APOL5: variants seen among roughly 807,000 people sequenced by gnomAD.
APOL5 encodes the protein apolipoprotein L, 5.
In APOL5, 29 loss-of-function variants were observed where a neutral mutation model predicts 35.5. The observed-to-expected ratio is 0.82, with a 90% confidence interval of 0.61 to 1.11. The LOEUF is 1.11. APOL5 is among the 50% of genes most tolerant of loss of function. APOL5 has a pLI of 0.00. For synonymous variants in APOL5, 188 were observed against 200.2 expected (o/e 0.94, Z 0.51); for missense variants, 514 against 530.4 (o/e 0.97, Z 0.30).
At position 35,728,763 on chromosome 22, in the gene APOL5, G is replaced by T. The variant is rs142361344; in HGVS notation, c.1167G>T (p.Gln389His). The T allele has an allele frequency of 1.1e-3, 1,818 of 1,613,718 alleles. 1 individual carries two copies. Among genetic ancestry groups the T allele is most frequent in the Admixed American group, 4.5e-3 (272 of 59,962 alleles). ...SPLPWPVVEHQPRLGPGVALR... is the reference protein window; with the variant it reads ...SPLPWPVVEHHPRLGPGVALR... ...TCCCCTGGCCTGTTGTGGAGCACCAGCCTAGGCTGGGCCCTGGCGTGGCAC... is the reference window on the plus strand; with the variant it reads ...TCCCCTGGCCTGTTGTGGAGCACCATCCTAGGCTGGGCCCTGGCGTGGCAC... The change falls in exon 4 of 5, where the codon CAG (glutamine) becomes CAT (histidine). Residue 389 changes from glutamine (Q) to histidine (H), a missense_variant. Physicochemically the swap from Gln to His is conservative, Grantham distance 24 (BLOSUM62 0). Transcript: ENST00000249044.
chr22:35,723,375 C>T (rs189283003), intron 2 of APOL5, among the ~76,000 whole-genome samples: 31 of 152,268 alleles, frequency 2.0e-4, no homozygotes, highest in Non-Finnish European at 3.4e-4. Context: ...GCAATACACA[C>T]GCTGGAAACC....
At chr22:35,724,379 CTTT>C (rs35923261) in intron 2 of APOL5, among the ~76,000 whole-genome samples, 1 of 143,960 alleles carries the variant, frequency 6.9e-6, no homozygotes. Context: ...AAGCAACCAC[CTTT>C]TTTTTTTTTT....
chr22:35,719,347 T>A (rs565563620), intron 1 of APOL5, among the ~76,000 whole-genome samples: 1 of 152,182 alleles, frequency 6.6e-6, no homozygotes, highest in Non-Finnish European at 1.5e-5. Context: ...CTCTGCTGTG[T>A]TGCCTGCCTG....
At chr22:35,710,835 A>C in the APOL5 span, among the ~76,000 whole-genome samples, 1 of 152,068 alleles carries the variant, frequency 6.6e-6, no homozygotes, top group Admixed American at 6.6e-5. Flanking sequence ...CACCTAGCAG[A>C]ATGTCTTTAA....
intron 2 of APOL5, among the ~76,000 whole-genome samples, chr22:35,724,051 G>T (rs775081025): frequency 2.3e-4 from 35 of 152,280 alleles, no homozygotes; most frequent in Non-Finnish European, 4.0e-4. Context: ...GGGATTTGTG[G>T]TTGTCTTCTT....
Position 35,726,601 on chromosome 22 carries a change from C to T in APOL5, c.533C>T (p.Ala178Val). 4 of 1,614,162 alleles carry T rather than the reference C, an allele frequency of 2.5e-6. No homozygotes were observed. The South Asian group carries it at 3.3e-5, about 13-fold the overall frequency. ...MLSATGTGLG[A>V]AAAITNIVTN... ...TCAGCAACTGGGACAGGGTTGGGGG[C>T]AGCAGCTGCCATCACCAACATAGTA... Residue 178 changes from alanine to valine, a missense_variant, in exon 3 of 5, where the codon GCA becomes GTA. Coordinates refer to ENST00000249044, the MANE Select transcript of APOL5 (RefSeq NM_030642.1).
At chr22:35,710,777 A>G in the APOL5 span, among the ~76,000 whole-genome samples, 2 of 152,098 alleles carry the variant, frequency 1.3e-5, no homozygotes, top group African/African-American at 2.4e-5. Flanking sequence ...TAAGAATCCC[A>G]TATAAGGGGA....
upstream of APOL5, among the ~76,000 whole-genome samples, chr22:35,717,235 A>AAATATATATATATATATATATATATATAT: frequency 1.7e-5 from 1 of 57,662 alleles, no homozygotes; most frequent in African/African-American, 7.9e-5. Flanking sequence ...AAAAAAAAAA[A>AAATATATATATATATATATATATATATAT]ATATATATAT....
the APOL5 span, among the ~76,000 whole-genome samples, chr22:35,711,479 G>A: frequency 6.6e-6 from 1 of 152,054 alleles, no homozygotes; most frequent in Admixed American, 6.6e-5. Flanking sequence ...TTTTACACAA[G>A]GTGAAAAACG....
intron 2 of APOL5, 120 bp from the exon 3 acceptor site, chr22:35,726,091 A>T: frequency 8.7e-7 from 1 of 1,150,036 alleles, no homozygotes; most frequent in Non-Finnish European, 1.2e-6. Flanking sequence ...GACCCCTTTC[A>T]CTGCTGTAAT....
chr22:35,729,037 C>A, intron 4 of APOL5, 133 bp downstream of exon 4: 1 of 1,008,666 alleles, frequency 9.9e-7, no homozygotes, highest in Non-Finnish European at 1.4e-6. Flanking sequence ...CCTTTCCATC[C>A]GGCCACCTGC....
chr22:35,717,461 T>C (rs967617564), upstream of APOL5, among the ~76,000 whole-genome samples: 2 of 146,782 alleles, frequency 1.4e-5, no homozygotes, highest in Non-Finnish European at 3.0e-5. Context: ...CCATAGCAGC[T>C]GAGCGCAGTG....
chr22:35,720,699 G>A, intron 2 of APOL5, 45 bp downstream of exon 2: 1 of 1,384,146 alleles, frequency 7.2e-7, no homozygotes, highest in Non-Finnish European at 1.0e-6. Flanking sequence ...CACAATCCCA[G>A]CATCCAAAAC....
intron 2 of APOL5, among the ~76,000 whole-genome samples, chr22:35,723,310 A>G (rs551235601): frequency 1.3e-3 from 200 of 152,310 alleles, no homozygotes; most frequent in African/African-American, 4.4e-3. Flanking sequence ...TAAGGGATAT[A>G]CAAGTCAAAC....
At chr22:35,714,763 G>A (rs759921728), upstream of APOL5, among the ~76,000 whole-genome samples, 27 of 152,188 alleles carry the variant, frequency 1.8e-4, no homozygotes, top group Non-Finnish European at 2.8e-4. Context: ...CCCTTCTTCC[G>A]TGTTGAGAGA....
At chr22:35,717,235 A>AAAAATATATAT, upstream of APOL5, among the ~76,000 whole-genome samples, 5 of 57,660 alleles carry the variant, frequency 8.7e-5, no homozygotes, top group African/African-American at 3.2e-4. Context: ...AAAAAAAAAA[A>AAAAATATATAT]ATATATATAT....
At chr22:35,711,283 C>T in the APOL5 span, among the ~76,000 whole-genome samples, 14 of 152,274 alleles carry the variant, frequency 9.2e-5, no homozygotes, top group South Asian at 2.7e-3. Flanking sequence ...TCCATTCATC[C>T]ATCAATGGAC....
At chr22:35,721,217 G>A (rs5995160) in intron 2 of APOL5, among the ~76,000 whole-genome samples, 12,770 of 152,040 alleles carry the variant, frequency 0.084, 1,834 homozygotes, top group African/African-American at 0.29. Context: ...GTACACATCC[G>A]CATAAAAAAT....
chr22:35,724,410 G>A (rs1387607673), intron 2 of APOL5, among the ~76,000 whole-genome samples: 1 of 147,080 alleles, frequency 6.8e-6, no homozygotes, highest in Non-Finnish European at 1.5e-5. Flanking sequence ...AAAGAAAGAA[G>A]ATCAAAGCAT....
Sources: gnomAD v4.1 joint callset for allele counts (sites outside exome capture counted in the v4.1 genomes callset) on GRCh38, gnomAD v4.1.1 for gene constraint, MANE v1.5 for transcripts, NCBI Gene and HGNC (gene_info 2026-07-23, HGNC 2026-07-21) for gene names.